The following PATJ variants were observed in gnomAD, a reference collection of about 807,000 sequenced individuals.
PATJ encodes PATJ crumbs cell polarity complex component.
Under a neutral mutation model 224.9 loss-of-function variants are expected in PATJ, and 190 were observed. That is an observed-to-expected ratio of 0.84 (90% CI 0.75 to 0.95). The LOEUF (loss-of-function observed/expected upper bound fraction) is 0.95, where lower values mean the gene tolerates loss of function less well. Ranked by LOEUF, PATJ falls within the 40% of genes least tolerant of loss-of-function variation. PATJ has a pLI of 0.00. For synonymous variants in PATJ, 769 were observed against 820.3 expected (o/e 0.94, Z 1.07); for missense variants, 2,121 against 2,270.3 (o/e 0.93, Z 1.34).
intron 42 of PATJ, among the ~76,000 whole-genome samples, chr1:62,151,032 G>A (rs1180995593): frequency 1.3e-5 from 2 of 151,700 alleles, no homozygotes; most frequent in African/African-American, 4.8e-5. Flanking sequence ...CCAGCTACTC[G>A]GGAGGCTGAG....
chr1:61,948,201 A>G (rs145264097), intron 27 of PATJ, among the ~76,000 whole-genome samples: 6,588 of 152,298 alleles, frequency 0.043, 529 homozygotes, highest in African/African-American at 0.15. Flanking sequence ...ACAAAAGCCA[A>G]AATTGACAAA....
intron 16 of PATJ, among the ~76,000 whole-genome samples, chr1:61,829,161 C>T (rs752523352): frequency 1.3e-5 from 2 of 152,262 alleles, no homozygotes; most frequent in Admixed American, 1.3e-4. Context: ...TCTTGTTTAT[C>T]CAAGAAGACT....
chr1:62,140,931 C>T lies in PATJ; in HGVS notation c.5272-7353C>T, dbSNP rs139912471. Among the ~76,000 whole-genome samples, 1,140 of 151,986 alleles carry T rather than the reference C, an allele frequency of 7.5e-3. 17 individuals are homozygous for T. The highest frequency in any genetic ancestry group is 0.026 in the African/African-American group (1,067 of 41,450). Reference sequence around the variant, plus strand: ...CTCTAAAAATAAAATAAAAGCTAGACAGCTTTCTTCCTAGAAAGCTAGGAA... The same window carrying T: ...CTCTAAAAATAAAATAAAAGCTAGATAGCTTTCTTCCTAGAAAGCTAGGAA... On this transcript the variant is annotated intron_variant, in intron 41 of 43. Transcript: ENST00000642238.
At chr1:62,150,502 A>G (rs1668508468) in intron 42 of PATJ, among the ~76,000 whole-genome samples, 1 of 151,982 alleles carries the variant, frequency 6.6e-6, no homozygotes. Flanking sequence ...TAAGCTTAAG[A>G]GAACTGGAGC....
At position 62,154,667 on chromosome 1, in the gene PATJ, A is replaced by AAG. The variant is rs751472587; in HGVS notation, c.5502+1200_5502+1201dup. ...TCCATCTCAAAAAAAAAAAAAAGAA[A>AAG]AGAGAGAGAGAGAGATAAAGGTCTT... On this transcript the variant is annotated intron_variant, in intron 43 of 43. Coordinates refer to ENST00000642238, the MANE Select transcript of PATJ (RefSeq NM_001350145.3). Among the ~76,000 whole-genome samples, 32 of 151,418 alleles carry AAG rather than the reference A, an allele frequency of 2.1e-4. No individual in the cohort carries two copies. In the East Asian group the frequency reaches 5.7e-3, roughly 27 times the overall value.
At chr1:61,903,921 C>T (rs191468582) in intron 24 of PATJ, among the ~76,000 whole-genome samples, 2 of 152,006 alleles carry the variant, frequency 1.3e-5, no homozygotes, top group Admixed American at 1.3e-4. Flanking sequence ...TACAGGCACC[C>T]ACCACCACGC....
rs1278118763 is a variant in PATJ, at chr1:61,771,541, C to G, written c.635C>G (p.Ser212Cys). Reference protein sequence around the residue: ...AIALLQQTTGSLRLIVAREPV... With the variant: ...AIALLQQTTGCLRLIVAREPV... Reference sequence around the variant, plus strand: ...GCATTATTACAACAAACCACTGGATCTTTGAGACTGATTGTGGCCAGGGAA... The same window carrying G: ...GCATTATTACAACAAACCACTGGATGTTTGAGACTGATTGTGGCCAGGGAA... The change falls in exon 6 of 44, where the codon TCT becomes TGT. Residue 212 changes from serine (S) to cysteine (C), a missense_variant. By Grantham distance (112) the Ser-to-Cys change is moderately radical (BLOSUM62 -1). Transcript: ENST00000642238. The G allele has an allele frequency of 6.2e-7, 1 of 1,613,240 alleles. No individual in the cohort carries two copies. The highest frequency in any genetic ancestry group is 8.5e-7 in the Non-Finnish European group (1 of 1,179,690).
At chr1:62,043,198 G>A (rs1175733280) in intron 30 of PATJ, among the ~76,000 whole-genome samples, 1 of 152,114 alleles carries the variant, frequency 6.6e-6, no homozygotes, top group Non-Finnish European at 1.5e-5. Flanking sequence ...CTCTGCCTGT[G>A]TCAAAGGGTA....
intron 28 of PATJ, among the ~76,000 whole-genome samples, chr1:62,012,553 A>G (rs1333231264): frequency 6.6e-6 from 1 of 152,216 alleles, no homozygotes; most frequent in East Asian, 1.9e-4. Context: ...ACAGCTTCTC[A>G]ATAATACAAT....
chr1:61,968,352 C>T (rs907869077), intron 27 of PATJ, among the ~76,000 whole-genome samples: 7 of 152,066 alleles, frequency 4.6e-5, no homozygotes, highest in South Asian at 2.1e-4. Flanking sequence ...TTGATCACAA[C>T]GTTAGCCGTA....
intron 24 of PATJ, among the ~76,000 whole-genome samples, chr1:61,907,310 A>G (rs956413383): frequency 1.3e-5 from 2 of 152,162 alleles, no homozygotes; most frequent in Non-Finnish European, 2.9e-5. Context: ...TTAAGGTCCT[A>G]GTTTCAGGTT....
intron 32 of PATJ, 90 bp downstream of exon 32, chr1:62,079,657 G>A: frequency 1.2e-6 from 1 of 820,546 alleles, no homozygotes; most frequent in Non-Finnish European, 2.0e-6. Context: ...TGGACCAGGA[G>A]GCAGAAGTCT....
At chr1:62,027,418 A>T (rs1042828922) in intron 29 of PATJ, among the ~76,000 whole-genome samples, 2 of 152,196 alleles carry the variant, frequency 1.3e-5, no homozygotes, top group African/African-American at 4.8e-5. Context: ...TAATGCTGCT[A>T]TGAACATGGA....
intron 28 of PATJ, among the ~76,000 whole-genome samples, chr1:62,012,037 A>G (rs1646481074): frequency 6.6e-6 from 1 of 151,736 alleles, no homozygotes; most frequent in African/African-American, 2.4e-5. Flanking sequence ...AAAAAAAAAA[A>G]GCAAGCAAAA....
chr1:62,074,951 AGG>A (rs1471919859), intron 31 of PATJ, among the ~76,000 whole-genome samples: 1 of 152,176 alleles, frequency 6.6e-6, no homozygotes, highest in Non-Finnish European at 1.5e-5. Context: ...ATGACAGACC[AGG>A]GCTCTGTCTC....
intron 31 of PATJ, among the ~76,000 whole-genome samples, chr1:62,056,149 C>A (rs188966751): frequency 6.6e-6 from 1 of 152,116 alleles, no homozygotes; most frequent in Non-Finnish European, 1.5e-5. Context: ...GCTTCAAATG[C>A]CCATCATTTC....
At chr1:62,147,188 G>GATGGA (rs1229658709) in intron 41 of PATJ, among the ~76,000 whole-genome samples, 2 of 152,136 alleles carry the variant, frequency 1.3e-5, no homozygotes, top group Non-Finnish European at 2.9e-5. Context: ...TATGGGATGG[G>GATGGA]ATGGAATGGG....
At chr1:61,946,757 A>C (rs1678784787) in intron 27 of PATJ, among the ~76,000 whole-genome samples, 1 of 152,150 alleles carries the variant, frequency 6.6e-6, no homozygotes, top group African/African-American at 2.4e-5. Context: ...TGGCAGAGAC[A>C]CAACAAAAAA....
rs752855898 is a variant in PATJ at position 62,017,873 on chromosome 1, G to C, written c.3885G>C (p.Leu1295=). The C allele has an allele frequency of 1.9e-6, 3 of 1,607,202 alleles. No homozygotes were observed. Among genetic ancestry groups the C allele is most frequent in the African/African-American group, 2.7e-5 (2 of 74,688 alleles). ...CCAAACAGATAAACAATCAGATTCT[G>C]TATGGAAGAAGTCACCAAAATGCAT... ...DELLEINNQI[L]YGRSHQNASA... Residue 1295 remains leucine (L), a synonymous_variant, in exon 29 of 44, where the codon CTG becomes CTC. Transcript: ENST00000642238.
Sources: gnomAD v4.1 joint callset for allele counts (sites outside exome capture counted in the v4.1 genomes callset) on GRCh38, gnomAD v4.1.1 for gene constraint, MANE v1.5 for transcripts, NCBI Gene and HGNC (gene_info 2026-07-23, HGNC 2026-07-21) for gene names.